ABLIM1: variants seen among roughly 807,000 people sequenced by gnomAD.
ABLIM1 encodes actin-binding LIM protein 1.
ABLIM1 carries 40 observed loss-of-function variants against 107.0 expected under a neutral mutation model. The ratio of observed to expected loss-of-function variants is 0.37; its 90% CI spans 0.29 to 0.49. The LOEUF (loss-of-function observed/expected upper bound fraction) is 0.49. Among genes scored for constraint, ABLIM1 ranks in the 20% least tolerant of loss-of-function variants. The probability of loss-of-function intolerance (pLI) is 0.97; values close to 1 mark genes in which losing one functional copy is unlikely to be tolerated. For missense variants in ABLIM1, 857 were observed against 1,008.5 expected, an observed-to-expected ratio of 0.85 and a Z score of 2.04; for synonymous variants, 357 against 357.3, an observed-to-expected ratio of 1.00 and a Z score of 0.01.
intron 1 of ABLIM1, among the ~76,000 whole-genome samples, chr10:114,634,061 G>A (rs1001182642): frequency 2.7e-5 from 4 of 145,892 alleles, no homozygotes; most frequent in Admixed American, 6.9e-5. Context: ...AAACACCATT[G>A]GTTTCTAGAG....
intron 4 of ABLIM1, among the ~76,000 whole-genome samples, chr10:114,552,360 T>C (rs2068165396): frequency 2.6e-5 from 4 of 152,068 alleles, no homozygotes; most frequent in Admixed American, 2.6e-4. Flanking sequence ...CTGATAAATA[T>C]AGAAAGCTGG....
At chr10:114,798,780 T>C in the ABLIM1 span, among the ~76,000 whole-genome samples, 1 of 152,036 alleles carries the variant, frequency 6.6e-6, no homozygotes, top group African/African-American at 2.4e-5. Context: ...AGTAGTACAG[T>C]ATATATGTAT....
chr10:114,796,392 A>T, the ABLIM1 span, among the ~76,000 whole-genome samples: 1 of 152,162 alleles, frequency 6.6e-6, no homozygotes, highest in Admixed American at 6.6e-5. Context: ...AAGAGGCTTC[A>T]GTTCCTTGCC....
intron 1 of ABLIM1, among the ~76,000 whole-genome samples, chr10:114,729,898 A>G (rs2082038252): frequency 6.6e-6 from 1 of 152,166 alleles, no homozygotes; most frequent in Non-Finnish European, 1.5e-5. Context: ...GAACAGGGGC[A>G]TTATTATGTC....
chr10:114,641,315 G>T (rs1364059333), intron 1 of ABLIM1, among the ~76,000 whole-genome samples: 1 of 148,474 alleles, frequency 6.7e-6, no homozygotes, highest in Non-Finnish European at 1.5e-5. Context: ...GGAAGACATG[G>T]TTGTTATCTT....
the ABLIM1 span, among the ~76,000 whole-genome samples, chr10:114,781,902 G>T: frequency 6.6e-6 from 1 of 151,684 alleles, no homozygotes; most frequent in African/African-American, 2.4e-5. Context: ...AAAACAAAAG[G>T]CACTGTGGTC....
chr10:114,766,020 A>G (rs2082883796), intron 1 of ABLIM1, among the ~76,000 whole-genome samples: 1 of 152,248 alleles, frequency 6.6e-6, no homozygotes, highest in Non-Finnish European at 1.5e-5. Context: ...TTGAAGGACT[A>G]ATAACAGAAG....
At chr10:114,786,836 G>C in the ABLIM1 span, among the ~76,000 whole-genome samples, 1 of 152,132 alleles carries the variant, frequency 6.6e-6, no homozygotes, top group Admixed American at 6.5e-5. Flanking sequence ...GCGTGATCTC[G>C]GCTCGCTACA....
intron 6 of ABLIM1, among the ~76,000 whole-genome samples, chr10:114,538,019 G>A (rs1405391309): frequency 6.6e-6 from 1 of 152,176 alleles, no homozygotes; most frequent in African/African-American, 2.4e-5. Flanking sequence ...CCTATGTTTT[G>A]CTCACTAGAG....
rs140732571 is a variant in ABLIM1, at chr10:114,490,566, T to C, written c.982+1225A>G. 2.9e-3 allele frequency among the ~76,000 whole-genome samples: 444 copies of C among 152,248 alleles called. 3 individuals are homozygous for C. The highest frequency in any genetic ancestry group is 9.9e-3 in the African/African-American group (410 of 41,546). ...TTACCACAACGGAACGAGCAATAGC[T>C]CTTATGGGTTTTGCTAATTTTATTA... On this transcript the variant is annotated intron_variant, in intron 7 of 22. Transcript: ENST00000533213.
upstream of ABLIM1, among the ~76,000 whole-genome samples, chr10:114,688,887 G>A (rs11196877): frequency 0.11 from 17,180 of 152,152 alleles, 1,531 homozygotes; most frequent in East Asian, 0.42. Context: ...AAAATTTAGC[G>A]TATACCCAAA....
intron 17 of ABLIM1, 131 bp downstream of exon 17, chr10:114,443,898 A>T: frequency 1.5e-6 from 1 of 683,980 alleles, no homozygotes; most frequent in South Asian, 2.1e-5. Flanking sequence ...TTTGACATGG[A>T]GTGGGTTTCC....
At chr10:114,446,849 T>A (rs1243003492) in intron 15 of ABLIM1, among the ~76,000 whole-genome samples, 1 of 152,164 alleles carries the variant, frequency 6.6e-6, no homozygotes, top group Non-Finnish European at 1.5e-5. Flanking sequence ...TCTCTTTAGT[T>A]TACACTAATG....
chr10:114,515,773 G>A (rs565538294), intron 6 of ABLIM1, among the ~76,000 whole-genome samples: 1 of 152,172 alleles, frequency 6.6e-6, no homozygotes, highest in African/African-American at 2.4e-5. Flanking sequence ...AGAAGAGGGA[G>A]GGAGACAGAC....
rs184916499 is a variant in ABLIM1, at chr10:114,605,151, A to G, written c.245-3190T>C. The stretch of plus-strand genomic sequence containing the variant: ...TGGGCTGTTCTTACTAGAGAAGGGC[A>G]GCATCCAAAGAGCAGAAGATTCAGT... On this transcript the variant is annotated intron_variant, in intron 1 of 22. Transcript: ENST00000533213. Among the ~76,000 whole-genome samples the G allele has an allele frequency of 4.3e-3, 661 of 152,362 alleles. 8 individuals carry two copies. The highest frequency in any genetic ancestry group is 0.015 in the African/African-American group (620 of 41,578).
chr10:114,579,189 T>A (rs1488407340), intron 2 of ABLIM1, among the ~76,000 whole-genome samples: 2 of 152,092 alleles, frequency 1.3e-5, no homozygotes, highest in African/African-American at 2.4e-5. Flanking sequence ...CAATTTTTTT[T>A]AACAACATTT....
In ABLIM1 at chr10:114,587,278, G is replaced by A. The variant is rs1446285300; in HGVS notation, c.380-11679C>T. Among the ~76,000 whole-genome samples the A allele has an allele frequency of 2.0e-5, 3 of 152,270 alleles. No homozygotes were observed. The East Asian group carries it at 5.8e-4, about 29-fold the overall frequency. Reference sequence around the variant, plus strand: ...TTGAAAATTACAGATAGAGGAGCAAGGGATTAAAGAAGCTATCAAAAGATA... The same window carrying A: ...TTGAAAATTACAGATAGAGGAGCAAAGGATTAAAGAAGCTATCAAAAGATA... On this transcript the variant is annotated intron_variant, in intron 2 of 22. Coordinates refer to ENST00000533213, the MANE Select transcript of ABLIM1 (RefSeq NM_002313.7).
intron 1 of ABLIM1, among the ~76,000 whole-genome samples, chr10:114,738,828 T>C (rs1002876766): frequency 5.3e-5 from 8 of 151,566 alleles, no homozygotes; most frequent in Non-Finnish European, 1.0e-4. Flanking sequence ...GAAGGAAAGA[T>C]AGACTTCTTG....
intron 4 of ABLIM1, among the ~76,000 whole-genome samples, chr10:114,549,306 C>G (rs1405013381): frequency 6.6e-6 from 1 of 152,136 alleles, no homozygotes; most frequent in Non-Finnish European, 1.5e-5. Context: ...ATTGCTTGAA[C>G]CTGGGAGGCA....
Sources: allele counts gnomAD v4.1 joint callset (sites outside exome capture counted in the v4.1 genomes callset), GRCh38; gene constraint gnomAD v4.1.1; transcripts MANE v1.5; gene names NCBI Gene and HGNC (gene_info 2026-07-23, HGNC 2026-07-21).